The following SLTM variants were observed in gnomAD, a reference collection of about 807,000 sequenced individuals.
SLTM encodes the protein SAFB like transcription modulator.
Under a neutral mutation model 134.6 loss-of-function variants are expected in SLTM, and 43 were observed. That is an observed-to-expected ratio of 0.32 (90% CI 0.25 to 0.41). SLTM has a LOEUF of 0.41. SLTM is among the 10% of genes least tolerant of loss of function. The probability of loss-of-function intolerance (pLI) is 1.00; values close to 1 mark genes in which losing one functional copy is unlikely to be tolerated. For synonymous variants in SLTM, 424 were observed against 432.3 expected (o/e 0.98, Z 0.24); for missense variants, 1,055 against 1,288.8 (o/e 0.82, Z 2.78).
At chr15:58,930,274 C>A (rs1240469188) in intron 2 of SLTM, among the ~76,000 whole-genome samples, 1 of 131,600 alleles carries the variant, frequency 7.6e-6, no homozygotes, top group Non-Finnish European at 1.6e-5. Context: ...CGCCACCATG[C>A]CCAGCTATTT....
At chr15:58,911,418 G>T in intron 5 of SLTM, among the ~76,000 whole-genome samples, 2 of 152,070 alleles carry the variant, frequency 1.3e-5, no homozygotes, top group Non-Finnish European at 2.9e-5. Flanking sequence ...ATCTCTATTT[G>T]AAAGTACACC....
At chr15:58,889,232 A>G (rs1352159580) in intron 16 of SLTM, 198 bp downstream of exon 16, 2 of 519,474 alleles carry the variant, frequency 3.9e-6, no homozygotes, top group South Asian at 5.9e-5. Flanking sequence ...GGCATCAGAA[A>G]GGTAGACAGG....
At position 58,922,440 on chromosome 15, in the gene SLTM, C is replaced by CTA. The variant is rs1259500493; in HGVS notation, c.251-5443_251-5442dup. ...AGCCAGCTCAGAACCTAGTACAACACTATATATATATTTATATAATATATA... is the reference window on the plus strand; with the variant it reads ...AGCCAGCTCAGAACCTAGTACAACACTATATATATATATTTATATAATATATA... On this transcript the variant is annotated intron_variant, in intron 2 of 20. Transcript: ENST00000380516. Among the ~76,000 whole-genome samples, 284 of 134,320 alleles carry CTA rather than the reference C, an allele frequency of 2.1e-3. 1 individual carries two copies. The highest frequency in any genetic ancestry group is 3.5e-3 in the Non-Finnish European group (227 of 64,340). The allele number at this position is 134,320 out of a possible 152,430, so 88.1% of individuals were successfully genotyped here. A position where few individuals can be genotyped will look rare whatever the true frequency, so the allele number is the denominator to read the frequency against.
At chr15:58,886,612 G>A (rs1228510103) in intron 19 of SLTM, among the ~76,000 whole-genome samples, 1 of 151,934 alleles carries the variant, frequency 6.6e-6, no homozygotes, top group African/African-American at 2.4e-5. Flanking sequence ...ACACAAGTAG[G>A]GGCCAAAGAT....
chr15:58,928,114 A>C (rs539897360), intron 2 of SLTM, among the ~76,000 whole-genome samples: 1 of 152,314 alleles, frequency 6.6e-6, no homozygotes, highest in East Asian at 1.9e-4. Context: ...AGGTATTGCA[A>C]ATTAGTTTTA....
chr15:58,928,305 G>C (rs2037625357), intron 2 of SLTM, among the ~76,000 whole-genome samples: 1 of 152,134 alleles, frequency 6.6e-6, no homozygotes, highest in South Asian at 2.1e-4. Flanking sequence ...TGAGAAGTTA[G>C]CTCTACCTGT....
chr15:58,933,340 C>A, intron 1 of SLTM, 64 bp downstream of exon 1: 1 of 1,481,420 alleles, frequency 6.8e-7, no homozygotes, highest in Non-Finnish European at 9.0e-7. Flanking sequence ...GCGGCGGAAG[C>A]GGGGCGCCGA....
Position 58,887,027 on chromosome 15 carries a change from C to A in SLTM, c.2783G>T (p.Gly928Val), listed in dbSNP as rs369485255. 7.4e-6 allele frequency: 12 copies of A among 1,613,232 alleles called. No homozygotes were observed. Among genetic ancestry groups the A allele is most frequent in the Non-Finnish European group, 1.0e-5 (12 of 1,180,042 alleles). Residue 928 changes from glycine to valine, a missense_variant, in exon 19 of 21, where the codon GGG becomes GTG. Physicochemically the swap from Gly to Val is moderately radical, Grantham distance 109. This residue lies in a region of SLTM where 776 missense variants were observed against 962.2 expected (regional missense o/e 0.81). Transcript: ENST00000380516. Reference sequence around the variant, plus strand: ...GACTCCTCTGTCTCCCTCTCTGCTCCCGTACCCCGAAGCGCTGCTACGATT... The same window carrying A: ...GACTCCTCTGTCTCCCTCTCTGCTCACGTACCCCGAAGCGCTGCTACGATT... ...PGNRSSASGY[G>V]SREGDRGVIT...
At chr15:58,880,753 A>T (rs1027651101) in intron 20 of SLTM, among the ~76,000 whole-genome samples, 1 of 151,938 alleles carries the variant, frequency 6.6e-6, no homozygotes, top group South Asian at 2.1e-4. Context: ...TTTCTTAGAG[A>T]CAGGGTTGCG....
At chr15:58,894,630 C>T (rs1462169285) in intron 9 of SLTM, 48 bp from the exon 10 acceptor site, 2 of 1,561,708 alleles carry the variant, frequency 1.3e-6, no homozygotes, top group African/African-American at 2.7e-5. Context: ...GTTCCAAGTA[C>T]ACAGACTTCT....
Position 58,933,637 on chromosome 15 carries a change from C to A in SLTM, c.-72G>T. The A allele has an allele frequency of 7.2e-7, 1 of 1,396,958 alleles. No individual in the cohort carries two copies. The highest frequency in any genetic ancestry group is 1.5e-5 in the South Asian group (1 of 64,724). 86.5% of individuals were successfully genotyped at this position (1,396,958 alleles called of 1,614,324 possible). A position where few individuals can be genotyped will look rare whatever the true frequency, so the allele number is the denominator to read the frequency against. ...GGCGGCAGCAGCGCCAACTTCCACC[C>A]AGGCCTCGGCGGCCGCCGGCGCCGC... On this transcript the variant is annotated 5_prime_UTR_variant, in exon 1 of 21. Transcript: ENST00000380516.
chr15:58,905,151 A>C (rs181365221), intron 5 of SLTM, among the ~76,000 whole-genome samples: 2 of 152,320 alleles, frequency 1.3e-5, no homozygotes, highest in Admixed American at 1.3e-4. Flanking sequence ...GCCTGTAAGA[A>C]TGTCTTAATA....
At position 58,879,769 on chromosome 15, in the gene SLTM, C is replaced by A; in HGVS notation, c.*230G>T. On this transcript the variant is annotated 3_prime_UTR_variant, in exon 21 of 21. Transcript: ENST00000380516. ...CTTCAATTCCATCTTTTCAAATGTG[C>A]CTCGGTGCTGCAAGAAAAAAAGTTG... The A allele has an allele frequency of 4.6e-6, 2 of 431,028 alleles. No individual in the cohort carries two copies. Among genetic ancestry groups the A allele is most frequent in the South Asian group, 3.8e-5 (1 of 26,462 alleles). The allele number at this position is 431,028 out of a possible 1,614,324, so 26.7% of individuals were successfully genotyped here.
chr15:58,886,508 C>T (rs1392257194), intron 19 of SLTM, among the ~76,000 whole-genome samples: 1 of 152,102 alleles, frequency 6.6e-6, no homozygotes, highest in Non-Finnish European at 1.5e-5. Context: ...CTCAGGCGAT[C>T]TGCCCACCTC....
At chr15:58,912,498 T>C in intron 5 of SLTM, 65 bp downstream of exon 5, 1 of 1,299,704 alleles carries the variant, frequency 7.7e-7, no homozygotes, top group South Asian at 1.2e-5. Flanking sequence ...GAAGTCAAAA[T>C]AAGATTCCTT....
intron 16 of SLTM, among the ~76,000 whole-genome samples, chr15:58,888,899 A>T (rs2034437616): frequency 6.6e-6 from 1 of 152,234 alleles, no homozygotes; most frequent in Non-Finnish European, 1.5e-5. Context: ...TAACCAGTTC[A>T]CACAACCTCT....
chr15:58,903,526 T>A (rs1168160828), intron 5 of SLTM, among the ~76,000 whole-genome samples: 3 of 121,686 alleles, frequency 2.5e-5, no homozygotes, highest in African/African-American at 9.4e-5. Context: ...GGAATGAGGC[T>A]TAAGAATGTG....
chr15:58,902,309 T>C (rs1440790110), intron 5 of SLTM, among the ~76,000 whole-genome samples: 17 of 152,142 alleles, frequency 1.1e-4, no homozygotes, highest in Admixed American at 1.0e-3. Flanking sequence ...GGCCTCAAGC[T>C]GATTCTCCCA....
In SLTM at chr15:58,893,319, C is replaced by G; in HGVS notation, c.1694G>C (p.Gly565Ala). The change falls in exon 13 of 21, where the codon GGA becomes GCA. Residue 565 changes from glycine (G) to alanine (A), a missense_variant. By Grantham distance (60) the Gly-to-Ala change is moderately conservative. This residue lies in a region of SLTM where 776 missense variants were observed against 962.2 expected (regional missense o/e 0.81). Coordinates refer to ENST00000380516, the MANE Select transcript of SLTM (RefSeq NM_024755.4). ...TCTTCTTGATGGTCTACAATGATCT[C>G]CTTTAGTTTGGTCTAGTATTACCAT... ...GHMVILDQTK[G>A]DHCRPSRRGR... The G allele has an allele frequency of 6.2e-7, 1 of 1,611,472 alleles. No homozygotes were observed. Among genetic ancestry groups the G allele is most frequent in the Non-Finnish European group, 8.5e-7 (1 of 1,179,110 alleles).
Sources: gnomAD v4.1 joint callset for allele counts (sites outside exome capture counted in the v4.1 genomes callset) on GRCh38, gnomAD v4.1.1 for gene constraint, gnomAD v4.1.1 regional missense constraint, MANE v1.5 for transcripts, NCBI Gene and HGNC (gene_info 2026-07-23, HGNC 2026-07-21) for gene names.